Variants in RPS6KC1 observed in about 807,000 individuals in gnomAD.
The protein encoded by RPS6KC1 is ribosomal protein S6 kinase C1.
Under a neutral mutation model 103.8 loss-of-function variants are expected in RPS6KC1, and 54 were observed. That is an observed-to-expected ratio of 0.52 (90% confidence interval 0.42 to 0.65). The LOEUF is 0.65. Ranked by LOEUF, RPS6KC1 falls within the 30% of genes least tolerant of loss-of-function variation. The pLI is 0.00. For synonymous variants in RPS6KC1, 439 were observed against 438.7 expected (o/e 1.00, Z -0.01); for missense variants, 1,151 against 1,253.8 (o/e 0.92, Z 1.24).
the RPS6KC1 span, among the ~76,000 whole-genome samples, chr1:213,325,751 A>T: frequency 6.6e-6 from 1 of 152,210 alleles, no homozygotes; most frequent in Admixed American, 6.5e-5. Flanking sequence ...CCTTATGGGA[A>T]AATTAGAGGC....
the RPS6KC1 span, among the ~76,000 whole-genome samples, chr1:213,859,336 A>G: frequency 1.3e-3 from 196 of 152,320 alleles, 2 homozygotes; most frequent in East Asian, 0.018. Flanking sequence ...CAAAAGCATT[A>G]TTAACATGAT....
At chr1:213,537,082 A>G in the RPS6KC1 span, among the ~76,000 whole-genome samples, 3 of 152,156 alleles carry the variant, frequency 2.0e-5, no homozygotes, top group African/African-American at 7.2e-5. Context: ...TGCAATTTAT[A>G]TAATATTTTC....
rs768437981 is a variant in RPS6KC1 at position 213,129,712 on chromosome 1, C to T, written c.658C>T (p.Arg220Trp). Reference protein sequence around the residue: ...DSEQSKTEEERESRSLFPGSL... With the variant: ...DSEQSKTEEEWESRSLFPGSL... ...TGAACAGAGCAAAACAGAAGAAGAA[C>T]GGGAAAGTCGTAGCCTCTTTCCTGG... Residue 220 changes from arginine (R) to tryptophan (W), a missense_variant, in exon 6 of 15, where the codon CGG (arginine) becomes TGG (tryptophan). Around this residue, in one of 3 missense-constraint regions of RPS6KC1, gnomAD observed 959 missense variants for 1,006.3 expected, o/e 0.95. Transcript: ENST00000366960. 2.2e-5 allele frequency: 35 copies of T among 1,613,988 alleles called. No individual in the cohort carries two copies. The highest frequency in any genetic ancestry group is 6.6e-5 in the South Asian group (6 of 91,072).
chr1:213,635,481 C>A, the RPS6KC1 span, among the ~76,000 whole-genome samples: 1 of 152,150 alleles, frequency 6.6e-6, no homozygotes. Flanking sequence ...AATCAATAAA[C>A]ATAATCCATC....
the RPS6KC1 span, among the ~76,000 whole-genome samples, chr1:213,524,585 G>A: frequency 2.6e-5 from 4 of 152,126 alleles, no homozygotes; most frequent in Admixed American, 2.0e-4. Flanking sequence ...GGAAAGTATG[G>A]GCTTCAGAGT....
intron 12 of RPS6KC1, among the ~76,000 whole-genome samples, chr1:213,249,280 A>G (rs568714013): frequency 6.6e-6 from 1 of 152,316 alleles, no homozygotes; most frequent in East Asian, 1.9e-4. Flanking sequence ...TACCAGAGCA[A>G]TTGGCTAACT....
At chr1:213,480,874 T>A in the RPS6KC1 span, among the ~76,000 whole-genome samples, 3 of 152,256 alleles carry the variant, frequency 2.0e-5, no homozygotes, top group African/African-American at 7.2e-5. Flanking sequence ...ATATTCTGTA[T>A]GTGTTGAGAT....
intron 3 of RPS6KC1, among the ~76,000 whole-genome samples, chr1:213,082,890 C>G (rs900918573): frequency 6.6e-6 from 1 of 152,162 alleles, no homozygotes; most frequent in Non-Finnish European, 1.5e-5. Flanking sequence ...TAGAAAGATT[C>G]AGTCAGACCA....
chr1:213,290,546 TC>T, the RPS6KC1 span, among the ~76,000 whole-genome samples: 1 of 74,158 alleles, frequency 1.3e-5, no homozygotes, highest in East Asian at 4.1e-4. Context: ...CCCTTCCTTT[TC>T]TGGTATGTCA....
At chr1:213,521,182 G>T in the RPS6KC1 span, among the ~76,000 whole-genome samples, 1 of 152,120 alleles carries the variant, frequency 6.6e-6, no homozygotes, top group Non-Finnish European at 1.5e-5. Context: ...TGGAGATAGT[G>T]TGGGTTTGGG....
the RPS6KC1 span, among the ~76,000 whole-genome samples, chr1:213,331,749 G>A: frequency 1.3e-5 from 2 of 152,144 alleles, no homozygotes; most frequent in Non-Finnish European, 2.9e-5. Flanking sequence ...GAGGTGAAGA[G>A]GCCAGGGTCC....
At chr1:213,420,143 G>A in the RPS6KC1 span, among the ~76,000 whole-genome samples, 5 of 152,280 alleles carry the variant, frequency 3.3e-5, no homozygotes, top group Non-Finnish European at 5.9e-5. Context: ...TCGCCACTGC[G>A]TGGGAGGATT....
chr1:213,539,858 AC>A, the RPS6KC1 span, among the ~76,000 whole-genome samples: 6 of 95,204 alleles, frequency 6.3e-5, no homozygotes, highest in Non-Finnish European at 1.7e-4. Flanking sequence ...CAGGTCACAC[AC>A]ATTTTTTTGG....
At chr1:213,057,345 T>C (rs1368996417) in intron 1 of RPS6KC1, among the ~76,000 whole-genome samples, 1 of 152,204 alleles carries the variant, frequency 6.6e-6, no homozygotes, top group African/African-American at 2.4e-5. Flanking sequence ...GCTTTTCAAG[T>C]ATTGATTTTT....
At chr1:213,068,873 A>ATGTGTGTG (rs60259563) in intron 1 of RPS6KC1, among the ~76,000 whole-genome samples, 1,540 of 127,356 alleles carry the variant, frequency 0.012, 23 homozygotes, top group East Asian at 0.035. Context: ...AAGTGTATAT[A>ATGTGTGTG]TGTGTGTGTG....
the RPS6KC1 span, among the ~76,000 whole-genome samples, chr1:213,583,145 G>A: frequency 6.6e-6 from 1 of 152,156 alleles, no homozygotes; most frequent in African/African-American, 2.4e-5. Flanking sequence ...ACTCACATTT[G>A]TTCATTCATT....
intron 8 of RPS6KC1, among the ~76,000 whole-genome samples, chr1:213,216,720 C>T (rs1010953717): frequency 6.6e-6 from 1 of 152,216 alleles, no homozygotes; most frequent in Non-Finnish European, 1.5e-5. Flanking sequence ...AAGAAACTCA[C>T]TCAAAACCAC....
chr1:213,200,799 A>C (rs182664879), intron 8 of RPS6KC1, among the ~76,000 whole-genome samples: 45 of 152,344 alleles, frequency 3.0e-4, no homozygotes, highest in Admixed American at 1.6e-3. Context: ...CCCATTGAAA[A>C]GTGGGCAAAG....
At chr1:213,679,854 A>G in the RPS6KC1 span, among the ~76,000 whole-genome samples, 1 of 152,250 alleles carries the variant, frequency 6.6e-6, no homozygotes, top group Non-Finnish European at 1.5e-5. Flanking sequence ...TCATTAAAAA[A>G]TAACACAGCC....
Sources: gnomAD v4.1 joint callset for allele counts (sites outside exome capture counted in the v4.1 genomes callset) on GRCh38, gnomAD v4.1.1 for gene constraint, gnomAD v4.1.1 regional missense constraint, MANE v1.5 for transcripts, NCBI Gene and HGNC (gene_info 2026-07-23, HGNC 2026-07-21) for gene names.